SYT9: variants seen among roughly 807,000 people sequenced by gnomAD.
The protein encoded by SYT9 is synaptotagmin-9.
SYT9 carries 22 observed loss-of-function variants against 48.4 expected under a neutral mutation model. That is an observed-to-expected ratio of 0.45 (90% confidence interval 0.32 to 0.65). The LOEUF (loss-of-function observed/expected upper bound fraction) is 0.65, where lower values mean the gene tolerates loss of function less well. Ranked by LOEUF, SYT9 falls within the 30% of genes least tolerant of loss-of-function variation. SYT9 has a pLI of 0.03. For synonymous variants in SYT9, 265 were observed against 245.0 expected (o/e 1.08, Z -0.76); for missense variants, 577 against 622.0 (o/e 0.93, Z 0.77).
chr11:7,417,474 T>A (rs1847273843), intron 4 of SYT9, among the ~76,000 whole-genome samples: 1 of 152,126 alleles, frequency 6.6e-6, no homozygotes, highest in African/African-American at 2.4e-5. Flanking sequence ...CTCTAGGGGC[T>A]CAAGGTCTCT....
chr11:7,247,643 G>GATAT (rs772500692), upstream of SYT9, among the ~76,000 whole-genome samples: 10 of 131,224 alleles, frequency 7.6e-5, no homozygotes, highest in African/African-American at 2.8e-4. Context: ...ATATATACGT[G>GATAT]ATATATATAT....
chr11:7,334,858 C>T (rs1207095513), intron 3 of SYT9, among the ~76,000 whole-genome samples: 1 of 151,900 alleles, frequency 6.6e-6, no homozygotes, highest in African/African-American at 2.4e-5. Flanking sequence ...ATAGATATGC[C>T]ACTTTTTGTT....
At chr11:7,300,888 A>G (rs781295669) in intron 1 of SYT9, among the ~76,000 whole-genome samples, 9 of 152,066 alleles carry the variant, frequency 5.9e-5, no homozygotes, top group Non-Finnish European at 1.2e-4. Flanking sequence ...TCCCCACCTC[A>G]TGTTGGGCTC....
At chr11:7,291,077 G>A (rs1848689602) in intron 1 of SYT9, among the ~76,000 whole-genome samples, 2 of 152,318 alleles carry the variant, frequency 1.3e-5, no homozygotes, top group South Asian at 4.1e-4. Flanking sequence ...GACTTAGCGG[G>A]AAGAAAGTTG....
At chr11:7,348,307 G>A (rs1438078256) in intron 3 of SYT9, among the ~76,000 whole-genome samples, 1 of 152,088 alleles carries the variant, frequency 6.6e-6, no homozygotes, top group East Asian at 1.9e-4. Context: ...TCACCAGATG[G>A]CCCTGCAAAT....
chr11:7,367,098 T>TTTTAGAC (rs71056800), intron 3 of SYT9, among the ~76,000 whole-genome samples: 1 of 112,988 alleles, frequency 8.9e-6, no homozygotes, highest in African/African-American at 3.2e-5. Context: ...TTTTTTTTTT[T>TTTTAGAC]CGAGACGGAG....
At chr11:7,422,559 GA>G (rs145300826) in intron 6 of SYT9, among the ~76,000 whole-genome samples, 15,394 of 152,208 alleles carry the variant, frequency 0.1, 958 homozygotes, top group African/African-American at 0.18. Context: ...GCATTTAGAA[GA>G]GTTGTAATAG....
At chr11:7,362,877 T>A (rs1330224560) in intron 3 of SYT9, among the ~76,000 whole-genome samples, 3 of 151,934 alleles carry the variant, frequency 2.0e-5, no homozygotes, top group African/African-American at 7.2e-5. Context: ...TCTCCCATTT[T>A]ATGATTTTTT....
intron 3 of SYT9, among the ~76,000 whole-genome samples, chr11:7,340,744 TA>T (rs1291514563): frequency 6.6e-6 from 1 of 152,202 alleles, no homozygotes; most frequent in East Asian, 1.9e-4. Context: ...GCAAAGATGG[TA>T]ATCCACCCTT....
At chr11:7,443,088 C>G (rs933123668) in intron 6 of SYT9, among the ~76,000 whole-genome samples, 3 of 152,172 alleles carry the variant, frequency 2.0e-5, no homozygotes, top group Non-Finnish European at 4.4e-5. Flanking sequence ...TTCTGGTGTG[C>G]CCTTGTGGAA....
intron 1 of SYT9, among the ~76,000 whole-genome samples, chr11:7,266,332 A>G (rs966129822): frequency 6.6e-6 from 1 of 152,140 alleles, no homozygotes; most frequent in South Asian, 2.1e-4. Flanking sequence ...GGGAACTCAG[A>G]TTCATCATCT....
intron 6 of SYT9, chr11:7,457,759 C>A (rs1476670245): frequency 6.6e-6 from 1 of 152,172 alleles, no homozygotes; most frequent in African/African-American, 2.4e-5. Context: ...CATGAGGGCT[C>A]AAACAGTTCT....
chr11:7,373,321 A>G (rs139637775), intron 3 of SYT9, among the ~76,000 whole-genome samples: 4 of 152,246 alleles, frequency 2.6e-5, no homozygotes, highest in African/African-American at 9.6e-5. Flanking sequence ...CTCCTCTGGA[A>G]TGTATTTTTT....
intron 3 of SYT9, among the ~76,000 whole-genome samples, chr11:7,410,691 T>G (rs1847120173): frequency 6.6e-6 from 1 of 151,876 alleles, no homozygotes; most frequent in African/African-American, 2.4e-5. Context: ...TGGGTTTCTG[T>G]TTGAGTGGAA....
At chr11:7,430,206 T>C (rs1287290622) in intron 6 of SYT9, among the ~76,000 whole-genome samples, 1 of 152,258 alleles carries the variant, frequency 6.6e-6, no homozygotes, top group Non-Finnish European at 1.5e-5. Context: ...TCATTGGTGG[T>C]AGAATTACAT....
At chr11:7,317,345 C>A (rs1195229995) in intron 3 of SYT9, among the ~76,000 whole-genome samples, 1 of 152,124 alleles carries the variant, frequency 6.6e-6, no homozygotes, top group Non-Finnish European at 1.5e-5. Context: ...ATAAACTGGG[C>A]AACTTAAACA....
intron 3 of SYT9, among the ~76,000 whole-genome samples, chr11:7,344,922 A>G (rs370700475): frequency 3.9e-4 from 38 of 96,224 alleles, no homozygotes; most frequent in African/African-American, 1.6e-3. Context: ...TAATCAGCTC[A>G]TTATTTTACA....
chr11:7,466,859 T>A lies in SYT9; in HGVS notation c.*59T>A. On this transcript the variant is annotated 3_prime_UTR_variant, in exon 7 of 7. Transcript: ENST00000318881. ...AAATAGGACAACCATCTCACAAAGA[T>A]CTTAAGTAACTTTTTCCATCCAGCA... The A allele has an allele frequency of 3.8e-6, 6 of 1,597,670 alleles. No homozygotes were observed. The highest frequency in any genetic ancestry group is 4.3e-6 in the Non-Finnish European group (5 of 1,171,324).
chr11:7,320,018 T>C (rs1212909015), intron 3 of SYT9, among the ~76,000 whole-genome samples: 3 of 152,198 alleles, frequency 2.0e-5, no homozygotes, highest in Non-Finnish European at 2.9e-5. Context: ...CACTGCTATA[T>C]GGCTCAAAGC....
Sources: gnomAD v4.1 joint callset for allele counts (sites outside exome capture counted in the v4.1 genomes callset) on GRCh38, gnomAD v4.1.1 for gene constraint, MANE v1.5 for transcripts, NCBI Gene and HGNC (gene_info 2026-07-23, HGNC 2026-07-21) for gene names.